Variants in MILR1 observed in about 807,000 individuals in gnomAD.
MILR1 encodes the protein allergin-1.
MILR1 carries 31 observed loss-of-function variants against 18.5 expected under a neutral mutation model. The ratio of observed to expected loss-of-function variants is 1.68; its 90% CI spans 1.26 to 2.26. The LOEUF is 2.26. Ranked by LOEUF, MILR1 falls within the 30% of genes most tolerant of loss-of-function variation. The pLI is 0.00. For synonymous variants in MILR1, 85 were observed against 56.2 expected (o/e 1.51, Z -2.30); for missense variants, 257 against 157.4 (o/e 1.63, Z -3.38).
Position 64,466,468 on chromosome 17 carries a change from T to C in MILR1, c.880T>C (p.Ser294Pro). 6.2e-7 allele frequency: 1 copy of C among 1,613,804 alleles called. No homozygotes were observed. The highest frequency in any genetic ancestry group is 8.5e-7 in the Non-Finnish European group (1 of 1,179,828). The stretch of plus-strand genomic sequence containing the variant: ...GGAGGAATCTGTGCCAGAAGTGGGA[T>C]CCAGGCCGTGTGTTTCCACAGCCCA... ...AKEESVPEVG[S>P]RPCVSTAQDE... is the part of the protein sequence containing the mutation. Residue 294 changes from serine to proline, a missense_variant, in exon 7 of 10, where the codon TCC becomes CCC. Coordinates refer to ENST00000619286, the MANE Select transcript of MILR1 (RefSeq NM_001085423.2).
At chr17:64,466,960 C>A (rs922379105) in intron 8 of MILR1, among the ~76,000 whole-genome samples, 2 of 151,514 alleles carry the variant, frequency 1.3e-5, no homozygotes, top group African/African-American at 4.9e-5. Context: ...TCTCTCCCTC[C>A]CTCCCTCTCT....
the MILR1 span, among the ~76,000 whole-genome samples, chr17:64,488,238 A>G: frequency 6.6e-6 from 1 of 152,128 alleles, no homozygotes; most frequent in Non-Finnish European, 1.5e-5. Context: ...GGCCTCAGAA[A>G]CATTTCAAGA....
At chr17:64,491,083 G>A in the MILR1 span, 453 of 828,864 alleles carry the variant, frequency 5.5e-4, 3 homozygotes, top group African/African-American at 6.9e-3. Context: ...GCAAATGTGC[G>A]AAACTAGTCA....
downstream of MILR1, among the ~76,000 whole-genome samples, chr17:64,473,642 GC>G (rs1449919970): frequency 6.6e-6 from 1 of 152,076 alleles, no homozygotes; most frequent in Non-Finnish European, 1.5e-5. Context: ...TGTTTCCTTA[GC>G]ATAATACCAC....
chr17:64,475,286 C>A, the MILR1 span, among the ~76,000 whole-genome samples: 6 of 152,188 alleles, frequency 3.9e-5, no homozygotes, highest in South Asian at 1.2e-3. Flanking sequence ...AATAATCCAG[C>A]ATTTATCCTA....
chr17:64,455,902 T>G (rs1414720949), intron 3 of MILR1, among the ~76,000 whole-genome samples: 1 of 151,892 alleles, frequency 6.6e-6, no homozygotes, highest in African/African-American at 2.4e-5. Flanking sequence ...TAGCTAGGCA[T>G]GGTGGTGGGC....
chr17:64,483,393 T>C, the MILR1 span, among the ~76,000 whole-genome samples: 1 of 151,900 alleles, frequency 6.6e-6, no homozygotes. Flanking sequence ...CGCATACCTG[T>C]AGTCCCAGCT....
intron 4 of MILR1, among the ~76,000 whole-genome samples, chr17:64,458,433 G>A (rs1443133524): frequency 5.9e-5 from 9 of 151,724 alleles, no homozygotes; most frequent in South Asian, 4.1e-4. Flanking sequence ...GACTGGTCTC[G>A]AACTCCTGGC....
chr17:64,477,928 T>TC, the MILR1 span: 1 of 1,614,048 alleles, frequency 6.2e-7, no homozygotes, highest in Non-Finnish European at 8.5e-7. Context: ...GATGTATTAA[T>TC]CCATTCTCCA....
At chr17:64,462,534 C>T (rs1391670813) in intron 5 of MILR1, among the ~76,000 whole-genome samples, 1 of 152,088 alleles carries the variant, frequency 6.6e-6, no homozygotes, top group African/African-American at 2.4e-5. Flanking sequence ...GCACAAAAGA[C>T]ACCTTCAAAA....
At chr17:64,477,213 T>C in the MILR1 span, among the ~76,000 whole-genome samples, 1 of 152,216 alleles carries the variant, frequency 6.6e-6, no homozygotes, top group Non-Finnish European at 1.5e-5. Context: ...AAGATACTAT[T>C]GCAGCCTCAA....
the MILR1 span, chr17:64,485,710 C>T: frequency 6.2e-7 from 1 of 1,601,894 alleles, no homozygotes. Context: ...AAGTCTATCT[C>T]TGAAATATCA....
intron 9 of MILR1, 87 bp downstream of exon 9, chr17:64,467,732 G>T: frequency 2.7e-6 from 2 of 745,600 alleles, no homozygotes; most frequent in South Asian, 3.1e-5. Flanking sequence ...TCAGGAGTTC[G>T]AGACCAGCCT....
At chr17:64,449,476 A>G (rs1039202405) in intron 2 of MILR1, 121 bp downstream of exon 2, 20 of 411,314 alleles carry the variant, frequency 4.9e-5, no homozygotes, top group African/African-American at 3.7e-4. Flanking sequence ...ACCAAAGAAC[A>G]GTCTTTTCAA....
the MILR1 span, chr17:64,480,419 G>A: frequency 9.2e-7 from 1 of 1,083,026 alleles, no homozygotes; most frequent in South Asian, 1.3e-5. Flanking sequence ...CTTCAAATAT[G>A]AAAGAAATAA....
chr17:64,478,078 CT>C, the MILR1 span: 1 of 1,355,272 alleles, frequency 7.4e-7, no homozygotes, highest in Middle Eastern at 2.0e-4. Flanking sequence ...TGTTCATGCA[CT>C]CTCAAGAGTC....
the MILR1 span, among the ~76,000 whole-genome samples, chr17:64,489,933 T>C: frequency 9.3e-5 from 14 of 150,414 alleles, no homozygotes; most frequent in African/African-American, 3.1e-4. Context: ...ATTTTTTTGT[T>C]TTTTTTTTTT....
At chr17:64,485,739 G>T in the MILR1 span, 1 of 1,612,564 alleles carries the variant, frequency 6.2e-7, no homozygotes, top group African/African-American at 1.3e-5. Flanking sequence ...TTTCTATGAA[G>T]ATTTTTCTTT....
At chr17:64,468,112 A>C (rs1376558361) in intron 9 of MILR1, among the ~76,000 whole-genome samples, 198 bp from the exon 10 acceptor site, 4 of 152,010 alleles carry the variant, frequency 2.6e-5, no homozygotes, top group African/African-American at 9.7e-5. Context: ...TGCTGCCACA[A>C]ATGACCACAA....
Sources: allele counts gnomAD v4.1 joint callset (sites outside exome capture counted in the v4.1 genomes callset), GRCh38; gene constraint gnomAD v4.1.1; transcripts MANE v1.5; gene names NCBI Gene and HGNC (gene_info 2026-07-23, HGNC 2026-07-21).